The following EP400 variants were observed in gnomAD, a reference collection of about 807,000 sequenced individuals.
The protein encoded by EP400 is E1A-binding protein p400.
A neutral mutation model predicts 354.1 loss-of-function variants in EP400; 105 were observed. The observed-to-expected ratio is 0.30, with a 90% CI of 0.25 to 0.35. EP400 has a LOEUF of 0.35. EP400 is among the 10% of genes least tolerant of loss of function. The probability of loss-of-function intolerance (pLI) is 1.00; values close to 1 mark genes in which losing one functional copy is unlikely to be tolerated. For missense variants in EP400, 3,280 were observed against 4,121.0 expected (o/e 0.80, Z 5.59); for synonymous variants, 1,646 against 1,716.9 (o/e 0.96, Z 1.02).
chr12:131,968,778 A>G (rs1892187755), intron 2 of EP400, among the ~76,000 whole-genome samples: 1 of 152,136 alleles, frequency 6.6e-6, no homozygotes, highest in Non-Finnish European at 1.5e-5. Context: ...AGCATACCAT[A>G]TATTTTCTTA....
At chr12:132,010,229 G>A (rs1893721820) in intron 15 of EP400, among the ~76,000 whole-genome samples, 1 of 151,874 alleles carries the variant, frequency 6.6e-6, no homozygotes, top group Admixed American at 6.6e-5. Flanking sequence ...TGGGATTACA[G>A]GCACACGCCA....
intron 52 of EP400, 129 bp downstream of exon 52, chr12:132,076,722 G>C (rs1317564995): frequency 2.5e-6 from 2 of 797,958 alleles, no homozygotes; most frequent in African/African-American, 3.5e-5. Context: ...AACTTCAGGG[G>C]AAAAACTAGA....
At position 132,028,004 on chromosome 12, in the gene EP400, CT is replaced by C. The variant is rs1468320981; in HGVS notation, c.5110-8del. 1.2e-6 allele frequency: 2 copies of C among 1,607,018 alleles called. No homozygotes were observed. Among genetic ancestry groups the C allele is most frequent in the African/African-American group, 2.7e-5 (2 of 74,698 alleles). ...TTTCTCAAGTAACTGTTTTTCATCACTTTTTGATAAAGGAGGAAAAGACCAG... is the reference window on the plus strand; with the variant it reads ...TTTCTCAAGTAACTGTTTTTCATCACTTTTGATAAAGGAGGAAAAGACCAG... On this transcript the variant is annotated splice_polypyrimidine_tract_variant and intron_variant, in intron 26 of 52. Transcript: ENST00000389561.
intron 39 of EP400, among the ~76,000 whole-genome samples, chr12:132,047,825 G>A (rs571052084): frequency 6.6e-6 from 1 of 152,288 alleles, no homozygotes; most frequent in African/African-American, 2.4e-5. Flanking sequence ...GGAGACTGGG[G>A]CTTATTTCAT....
Position 132,025,900 on chromosome 12 carries a change from C to G in EP400, c.5014+96C>G, listed in dbSNP as rs1190893741. On this transcript the variant is annotated intron_variant, in intron 25 of 52. Coordinates refer to ENST00000389561, the MANE Select transcript of EP400 (RefSeq NM_015409.5). This position sits in a 1 kb window ranked among gnomAD's most constrained non-coding sequence, Gnocchi z 4.1. ...AGCATTCATGTGTCTTTGACTGTAT[C>G]TCAGAACAGCACAGTCTAGTGTGTG... 1.5e-5 allele frequency: 20 copies of G among 1,370,992 alleles called. No homozygotes were observed. In the East Asian group the frequency reaches 4.7e-4, roughly 32 times the overall value. The allele number at this position is 1,370,992 out of a possible 1,614,324, so 84.9% of individuals were successfully genotyped here.
At chr12:131,971,694 T>A (rs769863343) in intron 2 of EP400, among the ~76,000 whole-genome samples, 160 of 141,900 alleles carry the variant, frequency 1.1e-3, no homozygotes, top group Non-Finnish European at 1.9e-3. Context: ...ATGGGTAAAA[T>A]TTTTTTTTTT....
chr12:131,953,700 A>G (rs1392108213), intron 1 of EP400, among the ~76,000 whole-genome samples: 1 of 152,228 alleles, frequency 6.6e-6, no homozygotes, highest in Non-Finnish European at 1.5e-5. Flanking sequence ...GTTAGCATAT[A>G]GATCTTGGGT....
chr12:131,985,083 T>C (rs1393177817), intron 5 of EP400, among the ~76,000 whole-genome samples: 1 of 152,182 alleles, frequency 6.6e-6, no homozygotes, highest in Non-Finnish European at 1.5e-5. Context: ...CTGAAACTCC[T>C]AACCTCAACT....
intron 30 of EP400, among the ~76,000 whole-genome samples, chr12:132,034,881 G>C (rs561754973): frequency 6.6e-6 from 1 of 152,266 alleles, no homozygotes. Context: ...GGGACCGCCT[G>C]ACCCACACAG....
intron 48 of EP400, chr12:132,066,335 A>C (rs1173867498): frequency 1.2e-5 from 2 of 163,946 alleles, no homozygotes; most frequent in Non-Finnish European, 1.3e-5. Context: ...CCATTTTTTA[A>C]ATGGTAACTT....
At chr12:131,984,949 A>T (rs1179041991) in intron 5 of EP400, among the ~76,000 whole-genome samples, 1 of 152,096 alleles carries the variant, frequency 6.6e-6, no homozygotes, top group Non-Finnish European at 1.5e-5. Flanking sequence ...TAAGAACAAC[A>T]GTAGAGGAAA....
At chr12:131,968,713 C>T (rs978921168) in intron 2 of EP400, among the ~76,000 whole-genome samples, 1 of 152,082 alleles carries the variant, frequency 6.6e-6, no homozygotes, top group African/African-American at 2.4e-5. Flanking sequence ...TATGGTGTAT[C>T]TCTCCATTTA....
At chr12:132,060,192 CAATT>C (rs1432914125) in intron 45 of EP400, among the ~76,000 whole-genome samples, 1 of 151,898 alleles carries the variant, frequency 6.6e-6, no homozygotes, top group Non-Finnish European at 1.5e-5. Flanking sequence ...TAATATCACA[CAATT>C]GAGGAGAAAA....
At chr12:131,973,324 T>G (rs531067953) in intron 2 of EP400, among the ~76,000 whole-genome samples, 1 of 152,328 alleles carries the variant, frequency 6.6e-6, no homozygotes. Context: ...TAGCTAAAAG[T>G]GCTGCTAGAC....
rs778931043 is a variant in EP400 at position 132,055,188 on chromosome 12, G to A, written c.7864G>A (p.Val2622Met). Reference protein sequence around the residue: ...QSINKRLASPVAPGALTTPGG... With the variant: ...QSINKRLASPMAPGALTTPGG... ...CATCAACAAGCGCCTGGCGTCGCCA[G>A]TGGCTCCTGGGGCCTTGACTGTGAG... is the stretch of plus-strand genomic sequence containing the variant. Residue 2622 changes from valine to methionine, a missense_variant, in exon 45 of 53, where the codon GTG (valine) becomes ATG (methionine). Physicochemically the swap from Val to Met is conservative, Grantham distance 21 (BLOSUM62 1). Transcript: ENST00000389561. The A allele has an allele frequency of 3.2e-6, 5 of 1,571,272 alleles. No homozygotes were observed. The African/African-American group carries it at 4.1e-5, about 13-fold the overall frequency.
At chr12:132,055,853 G>A (rs1259350881) in intron 45 of EP400, among the ~76,000 whole-genome samples, 2 of 151,810 alleles carry the variant, frequency 1.3e-5, no homozygotes, top group South Asian at 2.1e-4. Flanking sequence ...ATTGCCGCAG[G>A]TGCCCCCCAT....
rs767913284 is a variant in EP400 at position 132,006,254 on chromosome 12, G to A, written c.3078G>A (p.Ala1026=). 19 of 1,614,222 alleles carry A rather than the reference G, an allele frequency of 1.2e-5. No homozygotes were observed. Among genetic ancestry groups the A allele is most frequent in the Middle Eastern group, 1.6e-4 (1 of 6,062 alleles). Residue 1026 remains alanine (A), a synonymous_variant, in exon 14 of 53, where the codon GCG becomes GCA. Transcript: ENST00000389561. The stretch of plus-strand genomic sequence containing the variant: ...CCAAGGACATTGCGGACGTCACTGC[G>A]GTGGCTGAAGCCATCCTGCCGAAGG... ...PNAKDIADVT[A]VAEAILPKGS...
rs747711566 is a variant in EP400 at position 132,055,005 on chromosome 12, C to T, written c.7760C>T (p.Thr2587Met). 6.2e-6 allele frequency: 10 copies of T among 1,613,550 alleles called. No individual in the cohort carries two copies. Among genetic ancestry groups the T allele is most frequent in the African/African-American group, 1.3e-5 (1 of 74,758 alleles). ...ACCATTAAAACATCAGTTACTGGGA[C>T]GAGCATGCCCACTGGTAAGACAAAT... ...AGTIKTSVTG[T>M]SMPTGAVSGN... is the part of the protein sequence containing the mutation. Residue 2587 changes from threonine (T) to methionine (M), a missense_variant, in exon 44 of 53, where the codon ACG becomes ATG. This residue lies in a region of EP400 where 255 missense variants were observed against 295.9 expected (regional missense o/e 0.86). Transcript: ENST00000389561.
chr12:132,061,074 G>A (rs773023844), intron 45 of EP400, among the ~76,000 whole-genome samples: 1 of 152,184 alleles, frequency 6.6e-6, no homozygotes, highest in Non-Finnish European at 1.5e-5. Flanking sequence ...ATGAACGCAG[G>A]AGCTCACTGG....
Sources: gnomAD v4.1 joint callset for allele counts (sites outside exome capture counted in the v4.1 genomes callset) on GRCh38, gnomAD v4.1.1 for gene constraint, gnomAD v4.1.1 regional missense constraint, Gnocchi (gnomAD v3.1) non-coding constraint, MANE v1.5 for transcripts, NCBI Gene and HGNC (gene_info 2026-07-23, HGNC 2026-07-21) for gene names.